Variants in ATP1A1 observed in about 807,000 individuals in gnomAD.
ATP1A1 encodes the protein sodium/potassium-transporting ATPase subunit alpha-1.
A neutral mutation model predicts 114.8 loss-of-function variants in ATP1A1; 14 were observed. The observed-to-expected ratio is 0.12, with a 90% confidence interval of 0.08 to 0.19. The LOEUF is 0.19. ATP1A1 is among the 10% of genes least tolerant of loss of function. ATP1A1 has a pLI of 1.00. For missense variants in ATP1A1, 524 were observed against 1,290.7 expected, an observed-to-expected ratio of 0.41 and a Z score of 9.10; for synonymous variants, 471 against 466.3, an observed-to-expected ratio of 1.01 and a Z score of -0.13.
At position 116,392,964 on chromosome 1, in the gene ATP1A1, C is replaced by G; in HGVS notation, c.1443C>G (p.Pro481=). The change falls in exon 11 of 23, where the codon CCC becomes CCG. Residue 481 remains proline, a synonymous_variant. Coordinates refer to ENST00000295598, the MANE Select transcript of ATP1A1 (RefSeq NM_000701.8). The part of the protein sequence containing the change: ...RERYAKIVEI[P]FNSTNKYQLS... ...GATACGCCAAAATCGTCGAGATACC[C>G]TTCAACTCCACCAACAAGTACCAGG... 1 of 1,614,100 alleles carries G rather than the reference C, an allele frequency of 6.2e-7. No individual in the cohort carries two copies. Among genetic ancestry groups the G allele is most frequent in the Non-Finnish European group, 8.5e-7 (1 of 1,180,010 alleles).
In ATP1A1 at chr1:116,401,835, C is replaced by T. The variant is rs193120436; in HGVS notation, c.2951+180C>T. The T allele has an allele frequency of 1.7e-3, 1,068 of 631,150 alleles. No individual in the cohort carries two copies. The highest frequency in any genetic ancestry group is 2.2e-3 in the Non-Finnish European group (791 of 360,562). 39.1% of individuals were successfully genotyped at this position (631,150 alleles called of 1,614,324 possible). ...TAAATCAGACTAACAAATCCTGAGG[C>T]TTCCATGATAGCAGCTAGTGTTTAG... On this transcript the variant is annotated intron_variant, in intron 21 of 22. Coordinates refer to ENST00000295598, the MANE Select transcript of ATP1A1 (RefSeq NM_000701.8). This position sits in a 1 kb window ranked among gnomAD's most constrained non-coding sequence, Gnocchi z 4.7.
In ATP1A1 at chr1:116,388,859, T is replaced by C. The variant is rs1652266843; in HGVS notation, c.637-43T>C. 6.2e-7 allele frequency: 1 copy of C among 1,613,258 alleles called. No individual in the cohort carries two copies. The highest frequency in any genetic ancestry group is 8.5e-7 in the Non-Finnish European group (1 of 1,179,394). On this transcript the variant is annotated intron_variant, in intron 6 of 22. Transcript: ENST00000295598. The surrounding 1 kb of genome is among the most constrained non-coding windows in gnomAD (Gnocchi z 5.6). ...GGGGTACAGTAGCCCATGATAAGGC[T>C]GGTGTATTCACATGACATTTTTCTT...
intron 9 of ATP1A1, 118 bp downstream of exon 9, chr1:116,390,529 CTTTT>C (rs1261190970): frequency 6.6e-5 from 60 of 911,774 alleles, no homozygotes; most frequent in African/African-American, 4.3e-4. Flanking sequence ...CTTTTTCTTT[CTTTT>C]TTGTTTTTTT....
chr1:116,401,302 G>A lies in ATP1A1; in HGVS notation c.2849+42G>A. ...ATGTCAAGGCCTTGGCTCAAAGAAG[G>A]GGACTGGTGATTTGTAAACCCTTTG... On this transcript the variant is annotated intron_variant, in intron 20 of 22. Coordinates refer to ENST00000295598, the MANE Select transcript of ATP1A1 (RefSeq NM_000701.8). This position sits in a 1 kb window ranked among gnomAD's most constrained non-coding sequence, Gnocchi z 4.7. 1.2e-6 allele frequency: 2 copies of A among 1,611,324 alleles called. No homozygotes were observed. Among genetic ancestry groups the A allele is most frequent in the Non-Finnish European group, 1.7e-6 (2 of 1,177,674 alleles).
In ATP1A1 at chr1:116,395,093, T is replaced by C; in HGVS notation, c.1661-17T>C. ...CAGCGTCACTGAAATTTTCAAAGGC[T>C]CCTGTCCTCCTCGCAGGTTTCTGCC... On this transcript the variant is annotated splice_polypyrimidine_tract_variant and intron_variant, in intron 12 of 22. Coordinates refer to ENST00000295598, the MANE Select transcript of ATP1A1 (RefSeq NM_000701.8). This position sits in a 1 kb window ranked among gnomAD's most constrained non-coding sequence, Gnocchi z 6.4. The C allele has an allele frequency of 1.2e-6, 2 of 1,612,282 alleles. No individual in the cohort carries two copies. Among genetic ancestry groups the C allele is most frequent in the Non-Finnish European group, 1.7e-6 (2 of 1,178,918 alleles).
At chr1:116,394,610 G>T (rs1032218507) in intron 12 of ATP1A1, among the ~76,000 whole-genome samples, 1 of 151,982 alleles carries the variant, frequency 6.6e-6, no homozygotes, top group Non-Finnish European at 1.5e-5. Context: ...CCCCTGGGCA[G>T]AATGCATCTG....
Position 116,376,692 on chromosome 1 carries a change from G to A in ATP1A1, c.12+3169G>A, listed in dbSNP as rs144286755. 5.5e-3 allele frequency among the ~76,000 whole-genome samples: 834 copies of A among 152,202 alleles called. 26 individuals are homozygous for A. Among genetic ancestry groups the A allele is most frequent in the Admixed American group, 0.051 (779 of 15,292 alleles). On this transcript the variant is annotated intron_variant, in intron 1 of 22. Coordinates refer to ENST00000295598, the MANE Select transcript of ATP1A1 (RefSeq NM_000701.8). ...TGTAACACTCTAGTGACTCACCTTC[G>A]GGTGGGAGGGTAGGAAAGGGAGAGG... is the stretch of plus-strand genomic sequence containing the variant.
At chr1:116,382,752 T>C (rs567651011) in intron 1 of ATP1A1, among the ~76,000 whole-genome samples, 1 of 152,378 alleles carries the variant, frequency 6.6e-6, no homozygotes, top group Non-Finnish European at 1.5e-5. Context: ...TTGATTTTCT[T>C]TTTTCATTTC....
At position 116,397,790 on chromosome 1, in the gene ATP1A1, T is replaced by C; in HGVS notation, c.1974-98T>C. 12 of 1,424,766 alleles carry C rather than the reference T, an allele frequency of 8.4e-6. No homozygotes were observed. The highest frequency in any genetic ancestry group is 1.1e-5 in the Non-Finnish European group (12 of 1,056,640). 88.3% of individuals were successfully genotyped at this position (1,424,766 alleles called of 1,614,324 possible). On this transcript the variant is annotated intron_variant, in intron 14 of 22. Coordinates refer to ENST00000295598, the MANE Select transcript of ATP1A1 (RefSeq NM_000701.8). The surrounding 1 kb of genome is among the most constrained non-coding windows in gnomAD (Gnocchi z 4.2). ...GGGAAAATTCCTTCTTTGTTTTGTT[T>C]ACAAAGTGATCTGCATAAGAATATC...
rs1652590915 is a variant in ATP1A1, at chr1:116,392,978, A to G, written c.1457A>G (p.Asn486Ser). The G allele has an allele frequency of 6.2e-7, 1 of 1,614,034 alleles. No homozygotes were observed. The highest frequency in any genetic ancestry group is 1.3e-5 in the African/African-American group (1 of 74,936). ...KIVEIPFNST[N>S]KYQLSIHKNP... is the part of the protein sequence containing the mutation. ...GTCGAGATACCCTTCAACTCCACCAACAAGTACCAGGTCTGAAGATCGATG... is the reference window on the plus strand; with the variant it reads ...GTCGAGATACCCTTCAACTCCACCAGCAAGTACCAGGTCTGAAGATCGATG... Residue 486 changes from asparagine (N) to serine (S), a missense_variant, in exon 11 of 23, where the codon AAC (asparagine) becomes AGC (serine). This residue lies in a region of ATP1A1 where 143 missense variants were observed against 259.3 expected (regional missense o/e 0.55). Coordinates refer to ENST00000295598, the MANE Select transcript of ATP1A1 (RefSeq NM_000701.8).
At position 116,395,326 on chromosome 1, in the gene ATP1A1, T is replaced by C; in HGVS notation, c.1836+41T>C. 1 of 1,604,050 alleles carries C rather than the reference T, an allele frequency of 6.2e-7. No homozygotes were observed. On this transcript the variant is annotated intron_variant, in intron 13 of 22. Transcript: ENST00000295598. The surrounding 1 kb of genome is among the most constrained non-coding windows in gnomAD (Gnocchi z 6.4). ...CTCCTTGGCTTCATCTCTTAGTGCC[T>C]TGGGACACCCTACTCAGTGAATGTT... is the stretch of plus-strand genomic sequence containing the variant.
rs1652407672 is a variant in ATP1A1, at chr1:116,390,803, C to T, written c.1244C>T (p.Ser415Leu). 1.9e-6 allele frequency: 3 copies of T among 1,614,164 alleles called. No homozygotes were observed. The highest frequency in any genetic ancestry group is 2.5e-6 in the Non-Finnish European group (3 of 1,180,014). The change falls in exon 10 of 23, where the codon TCA becomes TTA. Residue 415 changes from serine (S) to leucine (L), a missense_variant. Physicochemically the swap from Ser to Leu is moderately radical, Grantham distance 145. Coordinates refer to ENST00000295598, the MANE Select transcript of ATP1A1 (RefSeq NM_000701.8). ...NQSGVSFDKT[S>L]ATWLALSRIA... is the part of the protein sequence containing the mutation. Reference sequence around the variant, plus strand: ...TCAGGTGTCTCTTTTGACAAGACTTCAGCTACCTGGCTTGCTCTGTCCAGA... The same window carrying T: ...TCAGGTGTCTCTTTTGACAAGACTTTAGCTACCTGGCTTGCTCTGTCCAGA...
intron 10 of ATP1A1, among the ~76,000 whole-genome samples, 172 bp downstream of exon 10, chr1:116,391,063 A>T (rs1652433221): frequency 6.6e-6 from 1 of 152,222 alleles, no homozygotes; most frequent in South Asian, 2.1e-4. Flanking sequence ...TTGCCTGTAG[A>T]TCCTGATGTA....
In ATP1A1 at chr1:116,401,892, G is replaced by A. The variant is rs898575149; in HGVS notation, c.2951+237G>A. ...GCCCAAGATAAGATAAAGCCACACA[G>A]GCTCTAGCTCCATGGAACTGCTCAA... On this transcript the variant is annotated intron_variant, in intron 21 of 22. Transcript: ENST00000295598. This position sits in a 1 kb window ranked among gnomAD's most constrained non-coding sequence, Gnocchi z 4.7. 1 of 564,912 alleles carries A rather than the reference G, an allele frequency of 1.8e-6. No homozygotes were observed. Among genetic ancestry groups the A allele is most frequent in the African/African-American group, 1.9e-5 (1 of 52,994 alleles). 35.0% of individuals were successfully genotyped at this position (564,912 alleles called of 1,614,324 possible).
rs547295103 is a variant in ATP1A1, at chr1:116,396,002, C to T, written c.1837-596C>T. On this transcript the variant is annotated intron_variant, in intron 13 of 22. Transcript: ENST00000295598. Reference sequence around the variant, plus strand: ...TCCTGACCTCAGGTGATCTGCCCACCTCAGCCTCCCAAAGTGCTGGGGTTA... The same window carrying T: ...TCCTGACCTCAGGTGATCTGCCCACTTCAGCCTCCCAAAGTGCTGGGGTTA... Among the ~76,000 whole-genome samples the T allele has an allele frequency of 2.0e-4, 31 of 152,178 alleles. 1 individual carries two copies. Among genetic ancestry groups the T allele is most frequent in the Non-Finnish European group, 2.9e-5 (2 of 68,040 alleles).
chr1:116,374,128 C>A (rs1381048533), intron 1 of ATP1A1: 1 of 1,544,290 alleles, frequency 6.5e-7, no homozygotes, highest in Non-Finnish European at 8.7e-7. Context: ...TTGCTCCGCG[C>A]AGAGGCGGCC....
rs1436361616 is a variant in ATP1A1, at chr1:116,395,941, T to C, written c.1836+656T>C. On this transcript the variant is annotated intron_variant, in intron 13 of 22. Transcript: ENST00000295598. The surrounding 1 kb of genome is among the most constrained non-coding windows in gnomAD (Gnocchi z 6.4). Reference sequence around the variant, plus strand: ...TAATTTTTGTATTTTTAAGTAAAGATAGGGTTTCGCCACGTTGGCCAGGCT... The same window carrying C: ...TAATTTTTGTATTTTTAAGTAAAGACAGGGTTTCGCCACGTTGGCCAGGCT... Among the ~76,000 whole-genome samples the C allele has an allele frequency of 1.3e-5, 2 of 152,022 alleles. No homozygotes were observed. The highest frequency in any genetic ancestry group is 2.9e-5 in the Non-Finnish European group (2 of 68,010).
chr1:116,379,985 G>A (rs1404583059), intron 1 of ATP1A1, among the ~76,000 whole-genome samples: 1 of 152,178 alleles, frequency 6.6e-6, no homozygotes, highest in Non-Finnish European at 1.5e-5. Context: ...GCTGCATTTG[G>A]GGCACTTCCT....
In ATP1A1 at chr1:116,401,773, C is replaced by T; in HGVS notation, c.2951+118C>T. The stretch of plus-strand genomic sequence containing the variant: ...TTTTGAGTGGTATGTACAAAAATTC[C>T]TATGGGTTGGAAAACTGTGAAAGCT... On this transcript the variant is annotated intron_variant, in intron 21 of 22. Transcript: ENST00000295598. This position sits in a 1 kb window ranked among gnomAD's most constrained non-coding sequence, Gnocchi z 4.7. The T allele has an allele frequency of 8.9e-6, 9 of 1,013,360 alleles. No homozygotes were observed. In the South Asian group the frequency reaches 1.3e-4, roughly 15 times the overall value. The allele number at this position is 1,013,360 out of a possible 1,614,324, so 62.8% of individuals were successfully genotyped here.
Sources: allele counts gnomAD v4.1 joint callset (sites outside exome capture counted in the v4.1 genomes callset), GRCh38; gene constraint gnomAD v4.1.1; regional missense constraint gnomAD v4.1.1; non-coding constraint Gnocchi (gnomAD v3.1); transcripts MANE v1.5; gene names NCBI Gene and HGNC (gene_info 2026-07-23, HGNC 2026-07-21).